Variants in AKT2 observed in about 807,000 individuals in gnomAD.
AKT2 encodes AKT serine/threonine kinase 2.
A neutral mutation model predicts 58.6 loss-of-function variants in AKT2; 16 were observed. That is an observed-to-expected ratio of 0.27 (90% confidence interval 0.18 to 0.41). The LOEUF (loss-of-function observed/expected upper bound fraction) is 0.41. Among genes scored for constraint, AKT2 ranks in the 10% least tolerant of loss-of-function variants. AKT2 has a pLI of 1.00. For missense variants in AKT2, 438 were observed against 661.0 expected, an observed-to-expected ratio of 0.66 and a Z score of 3.70; for synonymous variants, 253 against 254.0, an observed-to-expected ratio of 1.00 and a Z score of 0.04.
In AKT2 at chr19:40,238,104, G is replaced by C; in HGVS notation, c.709-13C>G. 6.3e-7 allele frequency: 1 copy of C among 1,587,106 alleles called. No homozygotes were observed. The highest frequency in any genetic ancestry group is 8.6e-7 in the Non-Finnish European group (1 of 1,167,286). ...GGTGGAAGAACAGCTGCAGGAGGAA[G>C]GGGTGGGGAGAGGAGGTCAGGCCCC... On this transcript the variant is annotated splice_polypyrimidine_tract_variant and intron_variant, in intron 8 of 13. Transcript: ENST00000392038. The surrounding 1 kb of genome is among the most constrained non-coding windows in gnomAD (Gnocchi z 5.1).
chr19:40,271,021 GACAA>G (rs144804672), intron 1 of AKT2, among the ~76,000 whole-genome samples: 4,002 of 147,890 alleles, frequency 0.027, 184 homozygotes, highest in African/African-American at 0.094. Flanking sequence ...TCAAAAAACA[GACAA>G]ACAAACAAAC....
At chr19:40,246,364 T>G (rs1252902520) in intron 4 of AKT2, among the ~76,000 whole-genome samples, 1 of 152,206 alleles carries the variant, frequency 6.6e-6, no homozygotes, top group Non-Finnish European at 1.5e-5. Context: ...GACCTCATGA[T>G]CTGCCTGCCT....
chr19:40,257,093 A>G, intron 2 of AKT2, 39 bp from the exon 3 acceptor site: 1 of 1,612,204 alleles, frequency 6.2e-7, no homozygotes, highest in Non-Finnish European at 8.5e-7. Context: ...AGGTTAGGAC[A>G]AGGTTGAGTG....
Position 40,233,713 on chromosome 19 carries a change from C to T in AKT2, c.*159G>A, listed in dbSNP as rs181472856. 3.9e-6 allele frequency: 3 copies of T among 769,320 alleles called. No individual in the cohort carries two copies. The highest frequency in any genetic ancestry group is 1.9e-5 in the Admixed American group (1 of 51,700). The allele number at this position is 769,320 out of a possible 1,614,324, so 47.7% of individuals were successfully genotyped here. On this transcript the variant is annotated 3_prime_UTR_variant, in exon 14 of 14. Coordinates refer to ENST00000392038, the MANE Select transcript of AKT2 (RefSeq NM_001626.6). The surrounding 1 kb of genome is among the most constrained non-coding windows in gnomAD (Gnocchi z 4.3). ...GGCTGGAGGCAGGGGCTGCAGGGGCCGCTGGGGTGCGTCTGGGAGGGGCCT... is the reference window on the plus strand; with the variant it reads ...GGCTGGAGGCAGGGGCTGCAGGGGCTGCTGGGGTGCGTCTGGGAGGGGCCT...
At position 40,235,180 on chromosome 19, in the gene AKT2, C is replaced by T. The variant is rs971487671; in HGVS notation, c.1264-33G>A. Reference sequence around the variant, plus strand: ...GGAGAGGAGCTCAGGCTCAGGGACCCTGAGGCCAGGAGGCCTCAACCAAGG... The same window carrying T: ...GGAGAGGAGCTCAGGCTCAGGGACCTTGAGGCCAGGAGGCCTCAACCAAGG... On this transcript the variant is annotated intron_variant, in intron 12 of 13. Coordinates refer to ENST00000392038, the MANE Select transcript of AKT2 (RefSeq NM_001626.6). The surrounding 1 kb of genome is among the most constrained non-coding windows in gnomAD (Gnocchi z 6.3). 5 of 1,613,052 alleles carry T rather than the reference C, an allele frequency of 3.1e-6. No individual in the cohort carries two copies. The highest frequency in any genetic ancestry group is 4.2e-6 in the Non-Finnish European group (5 of 1,179,124).
chr19:40,248,363 T>C (rs1180208366), intron 4 of AKT2, among the ~76,000 whole-genome samples: 1 of 152,208 alleles, frequency 6.6e-6, no homozygotes, highest in Non-Finnish European at 1.5e-5. Context: ...CAGGGCACTG[T>C]GGATGCAGCA....
chr19:40,266,949 G>A (rs1297627990), intron 1 of AKT2, among the ~76,000 whole-genome samples: 1 of 152,174 alleles, frequency 6.6e-6, no homozygotes, highest in African/African-American at 2.4e-5. Context: ...GTGACAGAAT[G>A]AGACCCTGTC....
chr19:40,244,797 G>A (rs568678891), intron 4 of AKT2, among the ~76,000 whole-genome samples: 18 of 152,334 alleles, frequency 1.2e-4, no homozygotes, highest in Non-Finnish European at 2.5e-4. Context: ...GTGTTCCTGA[G>A]ACACTGGGGC....
intron 4 of AKT2, among the ~76,000 whole-genome samples, chr19:40,253,379 T>A (rs1464944556): frequency 1.3e-5 from 2 of 152,172 alleles, no homozygotes; most frequent in Non-Finnish European, 2.9e-5. Context: ...CATTTCCCAC[T>A]GATTACAAAG....
chr19:40,236,387 T>C lies in AKT2; in HGVS notation c.832-2A>G, dbSNP rs1281574143. 2 of 1,614,146 alleles carry C rather than the reference T, an allele frequency of 1.2e-6. No homozygotes were observed. The highest frequency in any genetic ancestry group is 1.7e-6 in the Non-Finnish European group (2 of 1,180,028). Reference sequence around the variant, plus strand: ...TTTGTCCAGCATGAGGTTTTCCAGCTGTTGGAAAAGTCAACGGATCTCAGG... The same window carrying C: ...TTTGTCCAGCATGAGGTTTTCCAGCCGTTGGAAAAGTCAACGGATCTCAGG... On this transcript the variant is annotated splice_acceptor_variant, in intron 9 of 13. Coordinates refer to ENST00000392038, the MANE Select transcript of AKT2 (RefSeq NM_001626.6). LOFTEE classifies it high-confidence loss of function.
At position 40,235,202 on chromosome 19, in the gene AKT2, A is replaced by G; in HGVS notation, c.1264-55T>C. 1 of 1,613,622 alleles carries G rather than the reference A, an allele frequency of 6.2e-7. No homozygotes were observed. Among genetic ancestry groups the G allele is most frequent in the South Asian group, 1.1e-5 (1 of 91,066 alleles). ...ACCCTGAGGCCAGGAGGCCTCAACCAAGGTCACCACGAGTGGGCCAGGTCC... is the reference window on the plus strand; with the variant it reads ...ACCCTGAGGCCAGGAGGCCTCAACCGAGGTCACCACGAGTGGGCCAGGTCC... On this transcript the variant is annotated intron_variant, in intron 12 of 13. Transcript: ENST00000392038. The surrounding 1 kb of genome is among the most constrained non-coding windows in gnomAD (Gnocchi z 6.3).
chr19:40,264,150 G>T (rs564940613), intron 2 of AKT2, among the ~76,000 whole-genome samples: 5 of 152,302 alleles, frequency 3.3e-5, no homozygotes, highest in Admixed American at 6.5e-5. Flanking sequence ...TGCTCAGCAC[G>T]TGTTTGCTGA....
intron 6 of AKT2, 89 bp downstream of exon 6, chr19:40,241,849 A>G: frequency 6.3e-7 from 1 of 1,583,110 alleles, no homozygotes; most frequent in Non-Finnish European, 8.6e-7. Context: ...ACAGCAGCAG[A>G]AAGCGCGGGT....
At chr19:40,275,625 TA>T (rs1332592898) in intron 1 of AKT2, 1 of 270,408 alleles carries the variant, frequency 3.7e-6, no homozygotes, top group East Asian at 8.3e-5. Context: ...ATGTGGTTAC[TA>T]AATGTTTGAA....
rs1355059417 is a variant in AKT2, at chr19:40,231,520, C to T, written c.*2352G>A. The T allele has an allele frequency of 4.3e-6, 1 of 233,192 alleles. No homozygotes were observed. Among genetic ancestry groups the T allele is most frequent in the Non-Finnish European group, 8.5e-6 (1 of 118,058 alleles). 14.4% of individuals were successfully genotyped at this position (233,192 alleles called of 1,614,324 possible). A position where few individuals can be genotyped will look rare whatever the true frequency, so the allele number is the denominator to read the frequency against. ...AATTGGATCTGACTTTTTCTGCTTA[C>T]ATTCACTTAAAATCTCAAAGACTCA... On this transcript the variant is annotated 3_prime_UTR_variant, in exon 14 of 14. Transcript: ENST00000392038.
intron 1 of AKT2, among the ~76,000 whole-genome samples, chr19:40,277,271 TACTA>T (rs955115228): frequency 6.6e-6 from 1 of 152,198 alleles, no homozygotes; most frequent in Non-Finnish European, 1.5e-5. Context: ...AACATGCCCC[TACTA>T]ACTTTTTGAA....
chr19:40,272,690 T>TA (rs2077236919), intron 1 of AKT2, among the ~76,000 whole-genome samples: 1 of 152,184 alleles, frequency 6.6e-6, no homozygotes, highest in Admixed American at 6.6e-5. Context: ...ATGGACCTTA[T>TA]AGGGCATACT....
At chr19:40,277,237 A>G (rs1163714469) in intron 1 of AKT2, among the ~76,000 whole-genome samples, 1 of 152,164 alleles carries the variant, frequency 6.6e-6, no homozygotes, top group East Asian at 1.9e-4. Context: ...ACTTGGTTCT[A>G]AAGGAATCAT....
intron 6 of AKT2, chr19:40,241,223 C>G (rs1440661932): frequency 1.3e-5 from 2 of 154,346 alleles, no homozygotes; most frequent in South Asian, 2.0e-4. Flanking sequence ...AAAACGTTAA[C>G]AGTGCTGAGG....
Sources: gnomAD v4.1 joint callset for allele counts (sites outside exome capture counted in the v4.1 genomes callset) on GRCh38, gnomAD v4.1.1 for gene constraint, Gnocchi (gnomAD v3.1) non-coding constraint, MANE v1.5 for transcripts, NCBI Gene and HGNC (gene_info 2026-07-23, HGNC 2026-07-21) for gene names.